Variants in DENR observed in about 807,000 individuals in gnomAD.
The protein encoded by DENR is density-regulated protein.
A neutral mutation model predicts 30.6 loss-of-function variants in DENR; 6 were observed. The ratio of observed to expected loss-of-function variants is 0.20; its 90% CI spans 0.11 to 0.39. DENR has a LOEUF of 0.39. Among genes scored for constraint, DENR ranks in the 10% least tolerant of loss-of-function variants. The pLI is 1.00. For missense variants in DENR, 141 were observed against 230.9 expected, an observed-to-expected ratio of 0.61 and a Z score of 2.52; for synonymous variants, 78 against 72.1, an observed-to-expected ratio of 1.08 and a Z score of -0.41.
At chr12:122,756,175 G>A (rs1365245669) in intron 2 of DENR, among the ~76,000 whole-genome samples, 2 of 152,170 alleles carry the variant, frequency 1.3e-5, no homozygotes, top group Admixed American at 6.5e-5. Flanking sequence ...TAGGCCAGGC[G>A]CGGTGGCTCA....
chr12:122,753,603 G>A (rs1878471988), intron 1 of DENR, 90 bp from the exon 2 acceptor site: 6 of 927,880 alleles, frequency 6.5e-6, no homozygotes, highest in South Asian at 1.4e-5. Flanking sequence ...AAACAGCTTT[G>A]GGGTGGGGAG....
intron 2 of DENR, among the ~76,000 whole-genome samples, chr12:122,757,997 C>T (rs1025890301): frequency 6.6e-6 from 1 of 152,078 alleles, no homozygotes; most frequent in Non-Finnish European, 1.5e-5. Context: ...CTGTTGACAG[C>T]GAAATTTGTA....
Position 122,769,327 on chromosome 12 carries a change from T to G in DENR, c.*249T>G. 1 of 928,358 alleles carries G rather than the reference T, an allele frequency of 1.1e-6. No homozygotes were observed. The highest frequency in any genetic ancestry group is 1.3e-6 in the Non-Finnish European group (1 of 792,422). 57.5% of individuals were successfully genotyped at this position (928,358 alleles called of 1,614,324 possible). ...ATATACACATATGTATACATATATA[T>G]ATATTCTACAGTAAAACTGTAGACT... is the stretch of plus-strand genomic sequence containing the variant. On this transcript the variant is annotated 3_prime_UTR_variant, in exon 8 of 8. Coordinates refer to ENST00000280557, the MANE Select transcript of DENR (RefSeq NM_003677.5).
chr12:122,765,271 G>A, intron 4 of DENR, 33 bp from the exon 5 acceptor site: 1 of 1,512,470 alleles, frequency 6.6e-7, no homozygotes, highest in East Asian at 2.5e-5. Context: ...GTGAGATGAT[G>A]TTCATGCTTT....
chr12:122,765,757 TA>T (rs748943324), intron 5 of DENR, among the ~76,000 whole-genome samples: 1 of 152,288 alleles, frequency 6.6e-6, no homozygotes, highest in South Asian at 2.1e-4. Flanking sequence ...GCTGTGTCAG[TA>T]AATTGGACCT....
chr12:122,761,915 C>T (rs1182899109), intron 2 of DENR, among the ~76,000 whole-genome samples: 1 of 152,074 alleles, frequency 6.6e-6, no homozygotes, highest in African/African-American at 2.4e-5. Context: ...TATGGTAAGA[C>T]CTCATTATAT....
Position 122,769,251 on chromosome 12 carries a change from T to TACATATACACATACAC in DENR, c.*174_*175insCATATACACATACACA, listed in dbSNP as rs34056825. 1.4e-6 allele frequency: 1 copy of TACATATACACATACAC among 706,092 alleles called. No homozygotes were observed. Among genetic ancestry groups the TACATATACACATACAC allele is most frequent in the African/African-American group, 2.1e-5 (1 of 46,804 alleles). The allele number at this position is 706,092 out of a possible 1,614,324, so 43.7% of individuals were successfully genotyped here. ...ACATGTGTGTATGTATACATGTATA[T>TACATATACACATACAC]ATATATACATACACATATATGTATA... On this transcript the variant is annotated 3_prime_UTR_variant, in exon 8 of 8. Transcript: ENST00000280557.
In DENR at chr12:122,760,913, G is replaced by GA. The variant is rs576075768; in HGVS notation, c.107-1269dup. 1.3e-4 allele frequency among the ~76,000 whole-genome samples: 20 copies of GA among 152,184 alleles called. No homozygotes were observed. In the East Asian group the frequency reaches 2.9e-3, roughly 22 times the overall value. ...TTCATGATCTTATGTAGCATAACAT[G>GA]AAAAAGCCTTGGCAACATAGCGAGA... On this transcript the variant is annotated intron_variant, in intron 2 of 7. Transcript: ENST00000280557.
At chr12:122,767,197 T>C (rs1387562458) in intron 5 of DENR, among the ~76,000 whole-genome samples, 3 of 152,224 alleles carry the variant, frequency 2.0e-5, no homozygotes, top group Admixed American at 2.0e-4. Context: ...ATGATTCCTA[T>C]TATTGTATGT....
At chr12:122,754,638 A>G (rs894118947) in intron 2 of DENR, among the ~76,000 whole-genome samples, 3 of 152,204 alleles carry the variant, frequency 2.0e-5, no homozygotes, top group African/African-American at 4.8e-5. Context: ...TAGAGACCAC[A>G]TCTGACATTT....
intron 2 of DENR, among the ~76,000 whole-genome samples, chr12:122,759,946 A>G (rs1593760981): frequency 2.0e-5 from 3 of 152,340 alleles, no homozygotes; most frequent in East Asian, 3.9e-4. Flanking sequence ...TAGACTGGAC[A>G]AAACCAATGG....
In DENR at chr12:122,769,592, C is replaced by T. The variant is rs56148041; in HGVS notation, c.*514C>T. Reference sequence around the variant, plus strand: ...TGCGATCTCGGCTCACTGCAACCTCCGCCTCCCGGGTTCAAGTGATTCTCC... The same window carrying T: ...TGCGATCTCGGCTCACTGCAACCTCTGCCTCCCGGGTTCAAGTGATTCTCC... On this transcript the variant is annotated 3_prime_UTR_variant, in exon 8 of 8. Coordinates refer to ENST00000280557, the MANE Select transcript of DENR (RefSeq NM_003677.5). 1.3e-3 allele frequency: 711 copies of T among 549,180 alleles called. 1 individual carries two copies. Among genetic ancestry groups the T allele is most frequent in the Non-Finnish European group, 1.6e-3 (670 of 416,348 alleles). 34.0% of individuals were successfully genotyped at this position (549,180 alleles called of 1,614,324 possible). A position where few individuals can be genotyped will look rare whatever the true frequency, so the allele number is the denominator to read the frequency against.
chr12:122,765,829 CT>C (rs1326768706), intron 5 of DENR, among the ~76,000 whole-genome samples: 1 of 152,068 alleles, frequency 6.6e-6, no homozygotes, highest in East Asian at 1.9e-4. Flanking sequence ...CCTGTGTCTT[CT>C]ATTTAAGTAG....
intron 6 of DENR, among the ~76,000 whole-genome samples, chr12:122,768,509 T>C (rs544958252): frequency 6.7e-6 from 1 of 149,446 alleles, no homozygotes; most frequent in African/African-American, 2.5e-5. Flanking sequence ...AAAAAAAAAA[T>C]GAATAAAGTG....
At position 122,770,419 on chromosome 12, in the gene DENR, A is replaced by G. The variant is rs1879004041; in HGVS notation, c.*1341A>G. 5.1e-6 allele frequency: 2 copies of G among 391,626 alleles called. No individual in the cohort carries two copies. The highest frequency in any genetic ancestry group is 3.6e-5 in the East Asian group (1 of 27,606). The allele number at this position is 391,626 out of a possible 1,614,324, so 24.3% of individuals were successfully genotyped here. A position where few individuals can be genotyped will look rare whatever the true frequency, so the allele number is the denominator to read the frequency against. On this transcript the variant is annotated 3_prime_UTR_variant, in exon 8 of 8. Coordinates refer to ENST00000280557, the MANE Select transcript of DENR (RefSeq NM_003677.5). ...TACCCCAGATACATTTTAGACATTT[A>G]TCGTCATCATCTGCTCTGAGTGGAA... is the stretch of plus-strand genomic sequence containing the variant.
Position 122,769,584 on chromosome 12 carries a change from G to T in DENR, c.*506G>T. On this transcript the variant is annotated 3_prime_UTR_variant, in exon 8 of 8. Transcript: ENST00000280557. Reference sequence around the variant, plus strand: ...TGCAGTGGTGCGATCTCGGCTCACTGCAACCTCCGCCTCCCGGGTTCAAGT... The same window carrying T: ...TGCAGTGGTGCGATCTCGGCTCACTTCAACCTCCGCCTCCCGGGTTCAAGT... The T allele has an allele frequency of 1.7e-6, 1 of 601,346 alleles. No homozygotes were observed. The highest frequency in any genetic ancestry group is 2.1e-6 in the Non-Finnish European group (1 of 465,274). 37.3% of individuals were successfully genotyped at this position (601,346 alleles called of 1,614,324 possible).
intron 2 of DENR, among the ~76,000 whole-genome samples, chr12:122,758,079 T>G (rs570637907): frequency 6.6e-6 from 1 of 152,268 alleles, no homozygotes; most frequent in Non-Finnish European, 1.5e-5. Flanking sequence ...AGTTTTTGTT[T>G]GTTTGTTTTT....
chr12:122,760,017 A>G (rs925303572), intron 2 of DENR, among the ~76,000 whole-genome samples: 19 of 152,200 alleles, frequency 1.2e-4, no homozygotes, highest in Admixed American at 1.2e-3. Context: ...TAACTCTTTT[A>G]GTGCCCCATC....
chr12:122,766,817 T>C (rs1447254051), intron 5 of DENR, among the ~76,000 whole-genome samples: 18 of 152,164 alleles, frequency 1.2e-4, no homozygotes, highest in Admixed American at 1.2e-3. Context: ...ATTTTTTGCC[T>C]GAACTAACGC....
Sources: gnomAD v4.1 joint callset for allele counts (sites outside exome capture counted in the v4.1 genomes callset) on GRCh38, gnomAD v4.1.1 for gene constraint, MANE v1.5 for transcripts, NCBI Gene and HGNC (gene_info 2026-07-23, HGNC 2026-07-21) for gene names.